HSD17B7: variants seen among roughly 807,000 people sequenced by gnomAD.
HSD17B7 encodes the protein hydroxysteroid 17-beta dehydrogenase 7.
Under a neutral mutation model 34.1 loss-of-function variants are expected in HSD17B7, and 17 were observed. The observed-to-expected ratio is 0.50, with a 90% CI of 0.34 to 0.75. HSD17B7 has a LOEUF of 0.75. Ranked by LOEUF, HSD17B7 falls within the 30% of genes least tolerant of loss-of-function variation. HSD17B7 has a pLI of 0.01. For synonymous variants in HSD17B7, 122 were observed against 154.6 expected (o/e 0.79, Z 1.56); for missense variants, 296 against 406.6 (o/e 0.73, Z 2.34).
At chr1:162,803,335 G>C (rs1253115227) in intron 5 of HSD17B7, 96 bp from the exon 6 acceptor site, 10 of 1,205,260 alleles carry the variant, frequency 8.3e-6, no homozygotes, top group Non-Finnish European at 2.3e-6. Flanking sequence ...CTGACTTCTG[G>C]CTCATGTACA....
intron 5 of HSD17B7, among the ~76,000 whole-genome samples, chr1:162,801,279 T>G (rs763806387): frequency 1.3e-5 from 2 of 152,194 alleles, no homozygotes; most frequent in African/African-American, 2.4e-5. Flanking sequence ...GAATCATGCC[T>G]CTTATAAAGT....
chr1:162,805,484 A>T lies in HSD17B7; in HGVS notation c.895A>T (p.Thr299Ser), dbSNP rs764521164. ...TTGFGRNYIM[T>S]QKMDLDEDTA... ...TGGCTTTGGAAGAAATTACATTATGACCCAGAAGGTAAATGTGCTTACATT... is the reference window on the plus strand; with the variant it reads ...TGGCTTTGGAAGAAATTACATTATGTCCCAGAAGGTAAATGTGCTTACATT... Residue 299 changes from threonine (T) to serine (S), a missense_variant, in exon 8 of 9, where the codon ACC (threonine) becomes TCC (serine). Transcript: ENST00000254521. 5.6e-6 allele frequency: 9 copies of T among 1,612,552 alleles called. No individual in the cohort carries two copies. The highest frequency in any genetic ancestry group is 5.0e-5 in the Admixed American group (3 of 59,848).
At chr1:162,801,673 G>C (rs1442140192) in intron 5 of HSD17B7, among the ~76,000 whole-genome samples, 1 of 152,192 alleles carries the variant, frequency 6.6e-6, no homozygotes. Context: ...GTAGGTGTCA[G>C]TGCATGTGGG....
intron 1 of HSD17B7, 69 bp downstream of exon 1, chr1:162,790,904 C>T (rs1050839264): frequency 2.4e-6 from 3 of 1,273,248 alleles, no homozygotes; most frequent in East Asian, 2.5e-5. Context: ...GGTCTGCGAC[C>T]CTCCACGAAC....
At chr1:162,801,187 G>T (rs896734575) in intron 5 of HSD17B7, among the ~76,000 whole-genome samples, 1 of 152,150 alleles carries the variant, frequency 6.6e-6, no homozygotes, top group Non-Finnish European at 1.5e-5. Context: ...TGTTGGCCAA[G>T]CTGGTCTCGA....
At chr1:162,793,031 C>CTT (rs201857530) in intron 2 of HSD17B7, 169 bp downstream of exon 2, 30,406 of 346,142 alleles carry the variant, frequency 0.088, 92 homozygotes, top group Non-Finnish European at 0.1. Context: ...CGTTTTCTTT[C>CTT]TTTTTTTTTT....
intron 2 of HSD17B7, 160 bp downstream of exon 2, chr1:162,793,022 G>GTTTTT: frequency 2.4e-6 from 1 of 425,120 alleles, no homozygotes; most frequent in South Asian, 3.0e-5. Context: ...TCAGTACCAC[G>GTTTTT]TTTTCTTTCT....
intron 8 of HSD17B7, among the ~76,000 whole-genome samples, chr1:162,808,774 G>C (rs1322500442): frequency 1.3e-5 from 2 of 152,148 alleles, no homozygotes; most frequent in Admixed American, 6.5e-5. Context: ...CTGTTTGTCT[G>C]TTATTGGTGT....
chr1:162,793,028 T>TTTA, intron 2 of HSD17B7, 166 bp downstream of exon 2: 92 of 454,564 alleles, frequency 2.0e-4, no homozygotes, highest in Non-Finnish European at 2.6e-4. Flanking sequence ...CCACGTTTTC[T>TTTA]TTCTTTTTTT....
intron 2 of HSD17B7, among the ~76,000 whole-genome samples, chr1:162,794,558 G>A (rs1648536210): frequency 6.6e-6 from 1 of 152,016 alleles, no homozygotes; most frequent in South Asian, 2.1e-4. Flanking sequence ...CATAACTTAA[G>A]CATCTCCAGG....
At chr1:162,800,221 T>C (rs1648761252) in intron 5 of HSD17B7, 1 of 561,312 alleles carries the variant, frequency 1.8e-6, no homozygotes, top group Non-Finnish European at 3.4e-6. Context: ...AGGTGCTGTA[T>C]TCGTCTGTGT....
chr1:162,810,493 C>T (rs1649139204), intron 8 of HSD17B7, among the ~76,000 whole-genome samples: 1 of 152,136 alleles, frequency 6.6e-6, no homozygotes, highest in South Asian at 2.1e-4. Flanking sequence ...GAGTTCAATT[C>T]CTGGATATCC....
chr1:162,796,623 T>C lies in HSD17B7; in HGVS notation c.278T>C (p.Ile93Thr), dbSNP rs1004761907. 1.2e-6 allele frequency: 2 copies of C among 1,612,704 alleles called. No individual in the cohort carries two copies. The highest frequency in any genetic ancestry group is 1.7e-6 in the Non-Finnish European group (2 of 1,178,786). Residue 93 changes from isoleucine to threonine, a missense_variant, in exon 3 of 9, where the codon ATC becomes ACC. By Grantham distance (89) the Ile-to-Thr change is moderately conservative (BLOSUM62 -1). Transcript: ENST00000254521. ...GACTGTATATATCTAAATGCTGGGATCATGCCTAATCCACAACTAAATATC... is the reference window on the plus strand; with the variant it reads ...GACTGTATATATCTAAATGCTGGGACCATGCCTAATCCACAACTAAATATC... ...RLDCIYLNAG[I>T]MPNPQLNIKA...
At chr1:162,805,064 T>C (rs1648935018) in intron 7 of HSD17B7, among the ~76,000 whole-genome samples, 1 of 152,214 alleles carries the variant, frequency 6.6e-6, no homozygotes, top group African/African-American at 2.4e-5. Context: ...GGACCTAGCA[T>C]TGTAGTACTT....
At chr1:162,801,138 C>T (rs1158719905) in intron 5 of HSD17B7, among the ~76,000 whole-genome samples, 3 of 152,086 alleles carry the variant, frequency 2.0e-5, no homozygotes, top group African/African-American at 7.2e-5. Flanking sequence ...TGCCACCACA[C>T]CCAATTTTTG....
chr1:162,807,843 T>C (rs1364106252), intron 8 of HSD17B7, among the ~76,000 whole-genome samples: 1 of 152,208 alleles, frequency 6.6e-6, no homozygotes, highest in Non-Finnish European at 1.5e-5. Flanking sequence ...CTTGTAAATT[T>C]GAGTTCATTG....
At chr1:162,810,726 C>T (rs548253389) in intron 8 of HSD17B7, among the ~76,000 whole-genome samples, 3 of 152,044 alleles carry the variant, frequency 2.0e-5, no homozygotes, top group East Asian at 3.9e-4. Flanking sequence ...TCTCTTTGAT[C>T]TTTGTTGGTT....
At position 162,808,526 on chromosome 1, in the gene HSD17B7, G is replaced by C. The variant is rs558825694; in HGVS notation, c.903+3034G>C. Among the ~76,000 whole-genome samples, 197 of 152,290 alleles carry C rather than the reference G, an allele frequency of 1.3e-3. 1 individual carries two copies. The South Asian group carries it at 0.039, about 30-fold the overall frequency. ...GAAGAAAGTCATTGGTAGCTTGATG[G>C]GGATGGCATTGAATCTATAAATTAC... On this transcript the variant is annotated intron_variant, in intron 8 of 8. Coordinates refer to ENST00000254521, the MANE Select transcript of HSD17B7 (RefSeq NM_016371.4).
intron 1 of HSD17B7, among the ~76,000 whole-genome samples, chr1:162,792,287 A>G (rs1440911562): frequency 2.6e-5 from 4 of 152,346 alleles, no homozygotes; most frequent in Admixed American, 2.0e-4. Context: ...ACAGCTAATA[A>G]GATGCTCTTT....
Sources: gnomAD v4.1 joint callset for allele counts (sites outside exome capture counted in the v4.1 genomes callset) on GRCh38, gnomAD v4.1.1 for gene constraint, MANE v1.5 for transcripts, NCBI Gene and HGNC (gene_info 2026-07-23, HGNC 2026-07-21) for gene names.